Variants in CHD7 observed in about 807,000 individuals in gnomAD.
CHD7 encodes the protein ATP-dependent chromatin remodeler CHD7.
A neutral mutation model predicts 307.3 loss-of-function variants in CHD7; 24 were observed. The ratio of observed to expected loss-of-function variants is 0.08; its 90% CI spans 0.06 to 0.11. CHD7 has a LOEUF of 0.11. Ranked by LOEUF, CHD7 falls within the 10% of genes least tolerant of loss-of-function variation. CHD7 has a pLI of 1.00. For synonymous variants in CHD7, 1,363 were observed against 1,349.9 expected (o/e 1.01, Z -0.21); for missense variants, 3,106 against 3,727.1 (o/e 0.83, Z 4.34).
At chr8:60,835,054 A>G (rs1489858820) in intron 15 of CHD7, among the ~76,000 whole-genome samples, 1 of 152,236 alleles carries the variant, frequency 6.6e-6, no homozygotes, top group African/African-American at 2.4e-5. Context: ...GTGTGTTTGT[A>G]TTTTCTGAAG....
At chr8:60,681,905 A>G (rs1805648419) in intron 1 of CHD7, among the ~76,000 whole-genome samples, 1 of 152,202 alleles carries the variant, frequency 6.6e-6, no homozygotes, top group Non-Finnish European at 1.5e-5. Flanking sequence ...TTATAATTTT[A>G]AAAGACTGGT....
At chr8:60,748,513 G>T (rs752176455) in intron 2 of CHD7, among the ~76,000 whole-genome samples, 2 of 152,188 alleles carry the variant, frequency 1.3e-5, no homozygotes, top group Non-Finnish European at 2.9e-5. Context: ...AGGGTGGAGA[G>T]GGGGTGGAAC....
In CHD7 at chr8:60,741,963, C is replaced by T. The variant is rs1809052106; in HGVS notation, c.531C>T (p.Pro177=). The T allele has an allele frequency of 6.2e-7, 1 of 1,613,724 alleles. No individual in the cohort carries two copies. Among genetic ancestry groups the T allele is most frequent in the Non-Finnish European group, 8.5e-7 (1 of 1,179,802 alleles). The change falls in exon 2 of 38, where the codon CCC becomes CCT. Residue 177 remains proline, a synonymous_variant. Transcript: ENST00000423902. ...CACCGCAGCCGGCTCCGTCGGGGCC[C>T]CCTGCACAGGGCCACCCTCAGCACA... ...PQPPQPAPSG[P]PAQGHPQHMQ...
chr8:60,832,107 G>A (rs969657506), intron 15 of CHD7, among the ~76,000 whole-genome samples: 6 of 151,860 alleles, frequency 4.0e-5, no homozygotes, highest in South Asian at 2.1e-4. Context: ...CTGCAGCCTC[G>A]ACCTCCCAGG....
intron 9 of CHD7, 78 bp from the exon 10 acceptor site, chr8:60,821,712 A>T: frequency 8.1e-7 from 1 of 1,242,030 alleles, no homozygotes; most frequent in Non-Finnish European, 1.1e-6. Context: ...ATGTATAAAC[A>T]TATATATACA....
chr8:60,683,324 A>G (rs1351757837), intron 1 of CHD7, among the ~76,000 whole-genome samples: 3 of 152,242 alleles, frequency 2.0e-5, no homozygotes, highest in Non-Finnish European at 2.9e-5. Flanking sequence ...CAAAGATGGA[A>G]TGATTTATTT....
intron 24 of CHD7, among the ~76,000 whole-genome samples, chr8:60,848,845 C>T (rs1034004092): frequency 2.6e-5 from 4 of 152,030 alleles, no homozygotes; most frequent in African/African-American, 9.7e-5. Flanking sequence ...CTGAGATGAC[C>T]CTTAAAATGG....
At chr8:60,860,686 C>T (rs529398544) in intron 34 of CHD7, among the ~76,000 whole-genome samples, 20 of 152,348 alleles carry the variant, frequency 1.3e-4, no homozygotes, top group Non-Finnish European at 2.2e-4. Flanking sequence ...CCGCCCACCT[C>T]GGCCTCCCAG....
chr8:60,692,261 A>C (rs1163479566), intron 1 of CHD7, among the ~76,000 whole-genome samples: 2 of 152,236 alleles, frequency 1.3e-5, no homozygotes, highest in Non-Finnish European at 1.5e-5. Context: ...ATAAAGGTGA[A>C]GATGGATGAC....
intron 1 of CHD7, among the ~76,000 whole-genome samples, chr8:60,682,826 ATG>A (rs1355124640): frequency 6.6e-6 from 1 of 152,246 alleles, no homozygotes; most frequent in African/African-American, 2.4e-5. Context: ...TCGAATATAA[ATG>A]TGGCATTGCA....
chr8:60,825,947 T>C lies in CHD7; in HGVS notation c.3378+1931T>C, dbSNP rs144388149. 5.3e-5 allele frequency among the ~76,000 whole-genome samples: 8 copies of C among 152,306 alleles called. No individual in the cohort carries two copies. In the East Asian group the frequency reaches 1.5e-3, roughly 29 times the overall value. The stretch of plus-strand genomic sequence containing the variant: ...TTGGTTTGCTGCACCCATCAACTTA[T>C]CATTTACATTAGGTATTTCTCCTAA... On this transcript the variant is annotated intron_variant, in intron 13 of 37. Coordinates refer to ENST00000423902, the MANE Select transcript of CHD7 (RefSeq NM_017780.4).
intron 5 of CHD7, 72 bp from the exon 6 acceptor site, chr8:60,801,456 A>G (rs1389042129): frequency 4.4e-6 from 5 of 1,136,902 alleles, no homozygotes; most frequent in Non-Finnish European, 6.5e-6. Flanking sequence ...GCAAAGGGGA[A>G]TGATTTCTTG....
intron 2 of CHD7, among the ~76,000 whole-genome samples, chr8:60,764,228 A>C (rs1810362551): frequency 6.6e-6 from 1 of 152,090 alleles, no homozygotes; most frequent in Admixed American, 6.5e-5. Context: ...TGACCTCGTG[A>C]TCCGCCCGCC....
chr8:60,817,441 G>A (rs1265016811), intron 8 of CHD7, among the ~76,000 whole-genome samples: 5 of 152,176 alleles, frequency 3.3e-5, no homozygotes, highest in African/African-American at 1.2e-4. Context: ...CAGGTAGCAA[G>A]TCTGTGTTCT....
chr8:60,694,256 C>A (rs1806345198), intron 1 of CHD7, among the ~76,000 whole-genome samples: 1 of 152,174 alleles, frequency 6.6e-6, no homozygotes. Flanking sequence ...CATGAGCAGG[C>A]AGATCTTTAG....
At chr8:60,730,121 G>A (rs1050189037) in intron 1 of CHD7, among the ~76,000 whole-genome samples, 32 of 152,116 alleles carry the variant, frequency 2.1e-4, no homozygotes, top group Admixed American at 5.2e-4. Context: ...TTGTATTGTA[G>A]TTTTAAAAAA....
Position 60,724,308 on chromosome 8 carries a change from A to G in CHD7, c.-174-16951A>G, listed in dbSNP as rs138443040. ...AGAACTTGGGTAACAGCATTTGAGT[A>G]TTGTAGATCATCAGCTCCTACAGAG... On this transcript the variant is annotated intron_variant, in intron 1 of 37. Transcript: ENST00000423902. Among the ~76,000 whole-genome samples the G allele has an allele frequency of 2.2e-3, 341 of 152,330 alleles. 2 individuals are homozygous for G. Among genetic ancestry groups the G allele is most frequent in the African/African-American group, 7.7e-3 (321 of 41,568 alleles).
intron 9 of CHD7, among the ~76,000 whole-genome samples, chr8:60,820,891 T>C (rs1357671757): frequency 6.6e-6 from 1 of 152,206 alleles, no homozygotes; most frequent in African/African-American, 2.4e-5. Flanking sequence ...AATTGTTTCA[T>C]AGCATATTTA....
intron 19 of CHD7, among the ~76,000 whole-genome samples, chr8:60,840,686 C>T (rs1055010675): frequency 7.9e-5 from 12 of 151,142 alleles, no homozygotes; most frequent in East Asian, 1.9e-4. Context: ...GGCGCAATCT[C>T]GGCTCACTGC....
Sources: allele counts gnomAD v4.1 joint callset (sites outside exome capture counted in the v4.1 genomes callset), GRCh38; gene constraint gnomAD v4.1.1; transcripts MANE v1.5; gene names NCBI Gene and HGNC (gene_info 2026-07-23, HGNC 2026-07-21).